The following RBFOX1 variants were observed in gnomAD, a reference collection of about 807,000 sequenced individuals.
The protein encoded by RBFOX1 is RNA binding fox-1 homolog 1, also known as RNA binding protein fox-1 homolog 1.
RBFOX1 carries 8 observed loss-of-function variants against 57.7 expected under a neutral mutation model. The ratio of observed to expected loss-of-function variants is 0.14; its 90% CI spans 0.08 to 0.25. The LOEUF is 0.25. Among genes scored for constraint, RBFOX1 ranks in the 10% least tolerant of loss-of-function variants. The probability of loss-of-function intolerance (pLI) is 1.00; values close to 1 mark genes in which losing one functional copy is unlikely to be tolerated. For synonymous variants in RBFOX1, 326 were observed against 222.4 expected (o/e 1.47, Z -4.15); for missense variants, 611 against 548.5 (o/e 1.11, Z -1.14).
chr16:7,494,149 G>A (rs1340301949), intron 4 of RBFOX1, among the ~76,000 whole-genome samples: 1 of 152,090 alleles, frequency 6.6e-6, no homozygotes, highest in Non-Finnish European at 1.5e-5. Context: ...AATTCACATG[G>A]CCCCACTTTC....
chr16:6,593,312 C>T (rs1351823896), intron 2 of RBFOX1, among the ~76,000 whole-genome samples: 2 of 152,190 alleles, frequency 1.3e-5, no homozygotes, highest in African/African-American at 2.4e-5. Context: ...GTAAGTTTAC[C>T]AGGTGGTGTT....
At chr16:5,867,688 C>T (rs1485029640) in intron 4 of RBFOX1, among the ~76,000 whole-genome samples, 1 of 152,046 alleles carries the variant, frequency 6.6e-6, no homozygotes, top group East Asian at 1.9e-4. Flanking sequence ...TTTGGCTTTT[C>T]TTTGTATATT....
At chr16:6,361,783 C>G (rs553146977) in intron 2 of RBFOX1, among the ~76,000 whole-genome samples, 1 of 152,134 alleles carries the variant, frequency 6.6e-6, no homozygotes, top group African/African-American at 2.4e-5. Context: ...AAAGATTTCC[C>G]CAGATATTTC....
intron 4 of RBFOX1, among the ~76,000 whole-genome samples, chr16:7,173,438 G>C (rs772358963): frequency 9.2e-5 from 14 of 152,092 alleles, no homozygotes; most frequent in Non-Finnish European, 1.6e-4. Flanking sequence ...CAGTGACTCT[G>C]AAAGGGAGGC....
intron 4 of RBFOX1, among the ~76,000 whole-genome samples, chr16:7,296,399 T>C (rs1202940227): frequency 1.3e-5 from 2 of 152,160 alleles, no homozygotes; most frequent in Non-Finnish European, 2.9e-5. Context: ...CTGTTAATTT[T>C]CATGCAGTCT....
At chr16:7,343,379 G>C (rs564367019) in intron 4 of RBFOX1, among the ~76,000 whole-genome samples, 3 of 152,284 alleles carry the variant, frequency 2.0e-5, no homozygotes, top group East Asian at 1.9e-4. Flanking sequence ...ATCTGCATCA[G>C]AGTGACAGGG....
At chr16:5,652,230 C>T (rs941703304) in intron 3 of RBFOX1, among the ~76,000 whole-genome samples, 2 of 152,050 alleles carry the variant, frequency 1.3e-5, no homozygotes, top group African/African-American at 4.8e-5. Context: ...CCACTTAGCA[C>T]TTTATATATT....
At chr16:7,185,968 C>T (rs2083655306) in intron 4 of RBFOX1, among the ~76,000 whole-genome samples, 1 of 152,244 alleles carries the variant, frequency 6.6e-6, no homozygotes, top group East Asian at 1.9e-4. Flanking sequence ...ATGTCTCAGC[C>T]ATTAGTTCCT....
intron 3 of RBFOX1, among the ~76,000 whole-genome samples, chr16:5,708,095 C>T (rs75059229): frequency 0.04 from 6,050 of 152,110 alleles, 395 homozygotes; most frequent in African/African-American, 0.13. Flanking sequence ...ACGCTTGTTT[C>T]GTGGGCTCTT....
chr16:5,921,801 A>G (rs1317624124), intron 4 of RBFOX1, among the ~76,000 whole-genome samples: 2 of 151,998 alleles, frequency 1.3e-5, no homozygotes, highest in African/African-American at 4.8e-5. Flanking sequence ...GGTGCATGAC[A>G]TGGCGTGAGA....
chr16:5,599,501 A>G (rs542716955), exon 3 of RBFOX1: 27 of 453,904 alleles, frequency 5.9e-5, no homozygotes, highest in Non-Finnish European at 9.7e-5. Flanking sequence ...TTCCCTGCAC[A>G]GATACTTCTG....
downstream of RBFOX1, chr16:5,601,586 T>G (rs1227360062): frequency 6.6e-6 from 1 of 152,158 alleles, no homozygotes; most frequent in Non-Finnish European, 1.5e-5. Context: ...TCTTGGAGTT[T>G]GGCTACCACA....
At chr16:7,553,485 T>A (rs2087250474) in intron 5 of RBFOX1, among the ~76,000 whole-genome samples, 1 of 152,196 alleles carries the variant, frequency 6.6e-6, no homozygotes, top group Non-Finnish European at 1.5e-5. Context: ...TAGCCTAAGA[T>A]CTTCCATAAC....
At chr16:7,118,391 T>A (rs2066383621) in intron 4 of RBFOX1, among the ~76,000 whole-genome samples, 1 of 152,096 alleles carries the variant, frequency 6.6e-6, no homozygotes, top group African/African-American at 2.4e-5. Context: ...ATTCTCATCT[T>A]CTGAGAAATG....
At chr16:6,539,951 C>G (rs1403405345) in intron 2 of RBFOX1, among the ~76,000 whole-genome samples, 2 of 152,114 alleles carry the variant, frequency 1.3e-5, no homozygotes, top group African/African-American at 2.4e-5. Context: ...CCACAGATAG[C>G]CAGCCAATGA....
At chr16:7,676,688 C>A in intron 13 of RBFOX1, 86 bp from the exon 14 acceptor site, 1 of 1,143,724 alleles carries the variant, frequency 8.7e-7, no homozygotes, top group Non-Finnish European at 1.3e-6. Flanking sequence ...ATTTGGGTAA[C>A]AGCTGCTCTG....
chr16:5,628,843 A>G (rs2048419229), intron 3 of RBFOX1, among the ~76,000 whole-genome samples: 1 of 152,152 alleles, frequency 6.6e-6, no homozygotes, highest in African/African-American at 2.4e-5. Flanking sequence ...CCTATTCTAC[A>G]TGGGCTATGA....
chr16:5,944,807 A>AAAAAAAAAAAAAAAAAAAAAAAAAG (rs2059362107), intron 4 of RBFOX1, among the ~76,000 whole-genome samples: 2 of 142,308 alleles, frequency 1.4e-5, no homozygotes, highest in Non-Finnish European at 3.0e-5. Flanking sequence ...AAAAAAAAAA[A>AAAAAAAAAAAAAAAAAAAAAAAAAG]AATTAGCTGG....
At chr16:6,043,397 G>T (rs142329632) in intron 1 of RBFOX1, among the ~76,000 whole-genome samples, 1 of 152,062 alleles carries the variant, frequency 6.6e-6, no homozygotes, top group Non-Finnish European at 1.5e-5. Flanking sequence ...AAACATTTTG[G>T]GATACAATAT....
Sources: gnomAD v4.1 joint callset for allele counts (sites outside exome capture counted in the v4.1 genomes callset) on GRCh38, gnomAD v4.1.1 for gene constraint, MANE v1.5 for transcripts, NCBI Gene and HGNC (gene_info 2026-07-23, HGNC 2026-07-21) for gene names.